Variants in AGAP1 observed in about 807,000 individuals in gnomAD.
AGAP1 encodes arf-GAP with GTPase, ANK repeat and PH domain-containing protein 1.
In AGAP1, 29 loss-of-function variants were observed where a neutral mutation model predicts 105.3. The observed-to-expected ratio is 0.28, with a 90% CI of 0.21 to 0.38. The LOEUF is 0.38. Ranked by LOEUF, AGAP1 falls within the 10% of genes least tolerant of loss-of-function variation. The pLI is 1.00. For missense variants in AGAP1, 998 were observed against 1,165.1 expected, an observed-to-expected ratio of 0.86 and a Z score of 2.09; for synonymous variants, 509 against 485.9, an observed-to-expected ratio of 1.05 and a Z score of -0.63.
Position 235,707,472 on chromosome 2 carries a change from A to ACCCCCCCCCCCCCCCCC in AGAP1, c.164-1693_164-1692insCCCCCCCCCCCCCCCCC, listed in dbSNP as rs1250772330. Among the ~76,000 whole-genome samples, 12 of 22,408 alleles carry ACCCCCCCCCCCCCCCCC rather than the reference A, an allele frequency of 5.4e-4. 2 individuals carry two copies. Among genetic ancestry groups the ACCCCCCCCCCCCCCCCC allele is most frequent in the Non-Finnish European group, 9.4e-4 (7 of 7,466 alleles). The allele number at this position is 22,408 out of a possible 152,430, so 14.7% of individuals were successfully genotyped here. Reference sequence around the variant, plus strand: ...TTGCTGCACAGTTGCCCTCCCCATGACCCCCCCCCCCCCCGCCCAGAACAC... The same window carrying ACCCCCCCCCCCCCCCCC: ...TTGCTGCACAGTTGCCCTCCCCATGACCCCCCCCCCCCCCCCCCCCCCCCCCCCCCCGCCCAGAACAC... On this transcript the variant is annotated intron_variant, in intron 1 of 17. Transcript: ENST00000304032.
At chr2:235,745,187 TTC>T (rs1394410932) in intron 5 of AGAP1, among the ~76,000 whole-genome samples, 1 of 152,252 alleles carries the variant, frequency 6.6e-6, no homozygotes, top group Non-Finnish European at 1.5e-5. Flanking sequence ...TATATTTTAA[TTC>T]TCTGTTCTAT....
rs756532080 is a variant in AGAP1 at position 235,936,188 on chromosome 2, A to T, written c.1483+5265A>T. Among the ~76,000 whole-genome samples, 2 of 152,170 alleles carry T rather than the reference A, an allele frequency of 1.3e-5. No homozygotes were observed. Among genetic ancestry groups the T allele is most frequent in the Non-Finnish European group, 2.9e-5 (2 of 68,030 alleles). ...CTGCATTTCTTCACGTGACTCTTCC[A>T]TGTGGCTCTTGAGCCTCACTTCCCT... is the stretch of plus-strand genomic sequence containing the variant. On this transcript the variant is annotated intron_variant, in intron 12 of 17. Transcript: ENST00000304032. The surrounding 1 kb of genome is among the most constrained non-coding windows in gnomAD (Gnocchi z 4.7).
chr2:235,536,643 A>G (rs1348156095), intron 1 of AGAP1, among the ~76,000 whole-genome samples: 6 of 141,326 alleles, frequency 4.2e-5, no homozygotes, highest in African/African-American at 1.6e-4. Flanking sequence ...ACACACACAC[A>G]CACACACACA....
intron 1 of AGAP1, among the ~76,000 whole-genome samples, chr2:235,520,912 G>A (rs1253164887): frequency 6.6e-6 from 1 of 152,168 alleles, no homozygotes; most frequent in East Asian, 1.9e-4. Context: ...GCGTGTGGAA[G>A]CATTTCAGGA....
Position 236,078,373 on chromosome 2 carries a change from A to T in AGAP1, c.2114+29092A>T, listed in dbSNP as rs904286353. 4.6e-5 allele frequency among the ~76,000 whole-genome samples: 7 copies of T among 151,986 alleles called. No homozygotes were observed. The highest frequency in any genetic ancestry group is 3.9e-4 in the East Asian group (2 of 5,174). On this transcript the variant is annotated intron_variant, in intron 16 of 17. Transcript: ENST00000304032. This position sits in a 1 kb window ranked among gnomAD's most constrained non-coding sequence, Gnocchi z 5.3. ...AATTGCCTTTGTTTGGAGTCCATGGACTATAAGTGACATCTACAAAAGGCC... is the reference window on the plus strand; with the variant it reads ...AATTGCCTTTGTTTGGAGTCCATGGTCTATAAGTGACATCTACAAAAGGCC...
rs2059957529 is a variant in AGAP1, at chr2:236,123,796, A to G, written c.2371-123A>G. 3 of 1,223,078 alleles carry G rather than the reference A, an allele frequency of 2.5e-6. No homozygotes were observed. The highest frequency in any genetic ancestry group is 2.8e-4 in the Middle Eastern group (1 of 3,614). 75.8% of individuals were successfully genotyped at this position (1,223,078 alleles called of 1,614,324 possible). A position where few individuals can be genotyped will look rare whatever the true frequency, so the allele number is the denominator to read the frequency against. ...ACTGGATGGTCCTGGCACCCCAGCCAGTTGTGTAGCTGGCCCCGCTGTCCA... is the reference window on the plus strand; with the variant it reads ...ACTGGATGGTCCTGGCACCCCAGCCGGTTGTGTAGCTGGCCCCGCTGTCCA... On this transcript the variant is annotated intron_variant, in intron 17 of 17. Transcript: ENST00000304032. This position sits in a 1 kb window ranked among gnomAD's most constrained non-coding sequence, Gnocchi z 4.6.
chr2:236,047,808 G>A (rs1032162336), intron 15 of AGAP1, among the ~76,000 whole-genome samples: 3 of 151,470 alleles, frequency 2.0e-5, no homozygotes, highest in African/African-American at 7.3e-5. Context: ...CACCATGTTG[G>A]TCATGCTGGT....
Position 235,968,624 on chromosome 2 carries a change from G to T in AGAP1, c.1645+1G>T. The T allele has an allele frequency of 1.2e-6, 2 of 1,605,204 alleles. No individual in the cohort carries two copies. The highest frequency in any genetic ancestry group is 1.7e-6 in the Non-Finnish European group (2 of 1,177,442). On this transcript the variant is annotated splice_donor_variant, in intron 13 of 17. Transcript: ENST00000304032. LOFTEE classifies it high-confidence loss of function. ...GACGGCCTGTCCGGCACTGCTGAAGGTAAGGGTTCCGCGGTGCCCCGGGAG... is the reference window on the plus strand; with the variant it reads ...GACGGCCTGTCCGGCACTGCTGAAGTTAAGGGTTCCGCGGTGCCCCGGGAG...
At chr2:236,081,200 G>A (rs186351661) in intron 16 of AGAP1, among the ~76,000 whole-genome samples, 121 of 152,190 alleles carry the variant, frequency 8.0e-4, no homozygotes, top group African/African-American at 2.6e-3. Flanking sequence ...AAACCACATC[G>A]AATCGGGAAG....
rs114878226 is a variant in AGAP1 at position 235,630,528 on chromosome 2, T to A, written c.164-78651T>A. ...GCCCGGCCCCTGTACATTGTTTTTT[T>A]AAAGATGTTTGAGATAGGGTTTGTA... On this transcript the variant is annotated intron_variant, in intron 1 of 17. Coordinates refer to ENST00000304032, the MANE Select transcript of AGAP1 (RefSeq NM_001037131.3). 6.0e-3 allele frequency among the ~76,000 whole-genome samples: 907 copies of A among 152,344 alleles called. 11 individuals are homozygous for A. The highest frequency in any genetic ancestry group is 0.021 in the African/African-American group (867 of 41,586).
chr2:235,502,678 T>C (rs1056722187), intron 1 of AGAP1, among the ~76,000 whole-genome samples: 2 of 150,780 alleles, frequency 1.3e-5, no homozygotes, highest in African/African-American at 2.4e-5. Context: ...ATTAGCATCA[T>C]GGTTAGAAGC....
intron 1 of AGAP1, among the ~76,000 whole-genome samples, chr2:235,693,962 G>A (rs1253942189): frequency 6.6e-6 from 1 of 152,170 alleles, no homozygotes; most frequent in Non-Finnish European, 1.5e-5. Flanking sequence ...TTTATAAAAA[G>A]TAACAGAAAC....
At chr2:236,112,662 G>A (rs574495403) in intron 16 of AGAP1, among the ~76,000 whole-genome samples, 8 of 151,886 alleles carry the variant, frequency 5.3e-5, no homozygotes, top group East Asian at 3.9e-4. Context: ...TGGGCATCCC[G>A]GCCCAAGCTC....
intron 13 of AGAP1, among the ~76,000 whole-genome samples, chr2:235,999,943 G>A (rs556240928): frequency 4.6e-5 from 7 of 152,242 alleles, no homozygotes; most frequent in East Asian, 3.9e-4. Flanking sequence ...CACCAAGAAC[G>A]TAGTTTTATA....
In AGAP1 at chr2:235,931,850, C is replaced by T. The variant is rs761309501; in HGVS notation, c.1483+927C>T. Among the ~76,000 whole-genome samples the T allele has an allele frequency of 5.3e-5, 8 of 152,046 alleles. No individual in the cohort carries two copies. The highest frequency in any genetic ancestry group is 8.8e-5 in the Non-Finnish European group (6 of 68,020). The stretch of plus-strand genomic sequence containing the variant: ...ACCAAGCCGGGAGACGCGGAGTCAG[C>T]GAGGTAGCTCCACACCATAGCGGTG... On this transcript the variant is annotated intron_variant, in intron 12 of 17. Transcript: ENST00000304032. This position sits in a 1 kb window ranked among gnomAD's most constrained non-coding sequence, Gnocchi z 5.6.
chr2:235,814,472 TTTC>T (rs1958336023), intron 9 of AGAP1, among the ~76,000 whole-genome samples: 1 of 152,246 alleles, frequency 6.6e-6, no homozygotes, highest in South Asian at 2.1e-4. Context: ...TCTGGAATTA[TTTC>T]TTATCAGATT....
intron 6 of AGAP1, among the ~76,000 whole-genome samples, chr2:235,756,791 T>C (rs1258564820): frequency 1.3e-5 from 2 of 152,148 alleles, no homozygotes; most frequent in African/African-American, 4.8e-5. Flanking sequence ...AGATCTAGGT[T>C]ACGCATTCCT....
In AGAP1 at chr2:235,596,745, G is replaced by A. The variant is rs745529721; in HGVS notation, c.163+101896G>A. The stretch of plus-strand genomic sequence containing the variant: ...TCCTCTCTTGTGCCCCAGTCCTAGT[G>A]ATGAGAAAAGCAATGATGTTTCCCA... On this transcript the variant is annotated intron_variant, in intron 1 of 17. Transcript: ENST00000304032. This position sits in a 1 kb window ranked among gnomAD's most constrained non-coding sequence, Gnocchi z 5.9. 9.2e-5 allele frequency among the ~76,000 whole-genome samples: 14 copies of A among 152,208 alleles called. No individual in the cohort carries two copies. Among genetic ancestry groups the A allele is most frequent in the Admixed American group, 3.9e-4 (6 of 15,268 alleles).
At chr2:235,508,059 T>A (rs1941902407) in intron 1 of AGAP1, among the ~76,000 whole-genome samples, 1 of 152,206 alleles carries the variant, frequency 6.6e-6, no homozygotes, top group South Asian at 2.1e-4. Context: ...CTCCGCTGGT[T>A]CGCTTATGAT....
Sources: allele counts gnomAD v4.1 joint callset (sites outside exome capture counted in the v4.1 genomes callset), GRCh38; gene constraint gnomAD v4.1.1; non-coding constraint Gnocchi (gnomAD v3.1); transcripts MANE v1.5; gene names NCBI Gene and HGNC (gene_info 2026-07-23, HGNC 2026-07-21).